Variants in DDR2 observed in about 807,000 individuals in gnomAD.
DDR2 encodes discoidin domain-containing receptor 2.
DDR2 carries 27 observed loss-of-function variants against 94.9 expected under a neutral mutation model. The ratio of observed to expected loss-of-function variants is 0.28; its 90% CI spans 0.21 to 0.39. DDR2 has a LOEUF of 0.39. Among genes scored for constraint, DDR2 ranks in the 10% least tolerant of loss-of-function variants. DDR2 has a pLI of 1.00. For missense variants in DDR2, 783 were observed against 1,076.0 expected (o/e 0.73, Z 3.81); for synonymous variants, 382 against 377.2 (o/e 1.01, Z -0.15).
chr1:162,750,527 C>T (rs188050149), intron 3 of DDR2, among the ~76,000 whole-genome samples: 29 of 152,302 alleles, frequency 1.9e-4, no homozygotes, highest in Non-Finnish European at 3.2e-4. Flanking sequence ...ATTCCATGCT[C>T]GTGGGTAGGA....
chr1:162,680,743 A>G (rs1162725736), intron 2 of DDR2, among the ~76,000 whole-genome samples: 1 of 152,248 alleles, frequency 6.6e-6, no homozygotes, highest in East Asian at 1.9e-4. Flanking sequence ...AGAAAATAAT[A>G]TAACCCAACC....
intron 1 of DDR2, among the ~76,000 whole-genome samples, chr1:162,636,748 T>C (rs1005395594): frequency 6.6e-6 from 1 of 152,146 alleles, no homozygotes; most frequent in African/African-American, 2.4e-5. Context: ...ACTGTACCTG[T>C]GAAGATGGTA....
At chr1:162,747,704 T>C (rs1387051471) in intron 3 of DDR2, among the ~76,000 whole-genome samples, 1 of 152,132 alleles carries the variant, frequency 6.6e-6, no homozygotes, top group Non-Finnish European at 1.5e-5. Flanking sequence ...ATTGTCAGAT[T>C]CACCAAGGTT....
intron 3 of DDR2, among the ~76,000 whole-genome samples, chr1:162,740,128 A>G (rs1424401086): frequency 1.3e-5 from 2 of 152,242 alleles, no homozygotes; most frequent in African/African-American, 4.8e-5. Flanking sequence ...AGAAATAAAA[A>G]TGAATAAGAT....
intron 2 of DDR2, among the ~76,000 whole-genome samples, chr1:162,678,949 G>A (rs1231962144): frequency 1.3e-5 from 2 of 152,028 alleles, no homozygotes; most frequent in Non-Finnish European, 2.9e-5. Context: ...ACACAGATAA[G>A]CATCATATTT....
intron 2 of DDR2, among the ~76,000 whole-genome samples, chr1:162,712,317 G>C (rs185805132): frequency 5.3e-4 from 80 of 151,208 alleles, no homozygotes; most frequent in Non-Finnish European, 7.5e-4. Context: ...GTGTCAGGCA[G>C]AATGTTCAGA....
chr1:162,724,462 C>A (rs77407951), intron 3 of DDR2, among the ~76,000 whole-genome samples: 2 of 152,258 alleles, frequency 1.3e-5, no homozygotes, highest in South Asian at 2.1e-4. Context: ...AGAAGCCCTG[C>A]GGGCCAACTT....
Position 162,744,671 on chromosome 1 carries a change from C to A in DDR2, c.83-8424C>A, listed in dbSNP as rs539265445. Among the ~76,000 whole-genome samples, 3 of 152,154 alleles carry A rather than the reference C, an allele frequency of 2.0e-5. No individual in the cohort carries two copies. In the East Asian group the frequency reaches 5.8e-4, roughly 29 times the overall value. The stretch of plus-strand genomic sequence containing the variant: ...CCTAATGCTGTCCCTCCCCTAGCCC[C>A]CCACCCAATTTCTTTCTTTTTTAAA... On this transcript the variant is annotated intron_variant, in intron 3 of 17. Transcript: ENST00000367921.
At chr1:162,658,018 T>G (rs1271331309) in intron 2 of DDR2, among the ~76,000 whole-genome samples, 1 of 152,170 alleles carries the variant, frequency 6.6e-6, no homozygotes, top group East Asian at 1.9e-4. Context: ...CTAAAATGGC[T>G]CTTCCAAAAT....
At position 162,732,788 on chromosome 1, in the gene DDR2, C is replaced by T. The variant is rs150432890; in HGVS notation, c.82+13643C>T. Among the ~76,000 whole-genome samples the T allele has an allele frequency of 3.9e-5, 6 of 152,344 alleles. No individual in the cohort carries two copies. In the East Asian group the frequency reaches 1.2e-3, roughly 29 times the overall value. On this transcript the variant is annotated intron_variant, in intron 3 of 17. Coordinates refer to ENST00000367921, the MANE Select transcript of DDR2 (RefSeq NM_006182.4). ...ATATAGGACACTCATTGACGGGGAG[C>T]CCGTGGTCTGGAGCTAGTAGTGAGA...
intron 2 of DDR2, among the ~76,000 whole-genome samples, chr1:162,686,626 A>G (rs1227209043): frequency 1.3e-5 from 2 of 152,238 alleles, no homozygotes; most frequent in African/African-American, 4.8e-5. Flanking sequence ...ATTGATGGAC[A>G]TTTGGGTTGA....
chr1:162,726,208 G>A (rs1225859315), intron 3 of DDR2, among the ~76,000 whole-genome samples: 1 of 152,162 alleles, frequency 6.6e-6, no homozygotes. Context: ...TTTGTATATT[G>A]TGCTGTGATA....
At chr1:162,758,504 T>C (rs1005769933) in intron 7 of DDR2, among the ~76,000 whole-genome samples, 4 of 152,208 alleles carry the variant, frequency 2.6e-5, no homozygotes, top group East Asian at 1.9e-4. Context: ...CATAAAACTT[T>C]CCTGGGATTT....
chr1:162,640,154 G>T (rs1348865867), intron 1 of DDR2, among the ~76,000 whole-genome samples: 2 of 151,608 alleles, frequency 1.3e-5, no homozygotes, highest in East Asian at 1.9e-4. Flanking sequence ...CGATTTTCCT[G>T]CCTCAGCCTC....
chr1:162,774,809 C>G (rs182025794), intron 14 of DDR2, among the ~76,000 whole-genome samples: 1 of 152,016 alleles, frequency 6.6e-6, no homozygotes, highest in African/African-American at 2.4e-5. Flanking sequence ...TGGTTTGAGA[C>G]GGAAGGGGGA....
At chr1:162,730,058 C>CTTTTAAA (rs1661953788) in intron 3 of DDR2, among the ~76,000 whole-genome samples, 2 of 64,190 alleles carry the variant, frequency 3.1e-5, no homozygotes, top group Non-Finnish European at 3.1e-5. Flanking sequence ...TTTTTTTTTG[C>CTTTTAAA]AAAAAAAAAA....
In DDR2 at chr1:162,784,351, T is replaced by G. The variant is rs1648062719; in HGVS notation, c.*4105T>G. 1 of 154,314 alleles carries G rather than the reference T, an allele frequency of 6.5e-6. No homozygotes were observed. Among genetic ancestry groups the G allele is most frequent in the Non-Finnish European group, 1.5e-5 (1 of 68,192 alleles). The allele number at this position is 154,314 out of a possible 1,614,324, so 9.6% of individuals were successfully genotyped here. On this transcript the variant is annotated 3_prime_UTR_variant, in exon 18 of 18. Transcript: ENST00000367921. ...CAATACATGGCTACTAAGTCTTTGA[T>G]CATAAGTCGAATTTATAGACCTGGA...
intron 3 of DDR2, chr1:162,741,503 T>G: frequency 3.9e-6 from 3 of 773,060 alleles, no homozygotes; most frequent in Non-Finnish European, 4.7e-6. Context: ...GCCAACTACA[T>G]AGGGTTATTG....
chr1:162,690,721 A>G (rs1659925817), intron 2 of DDR2, among the ~76,000 whole-genome samples: 1 of 152,220 alleles, frequency 6.6e-6, no homozygotes, highest in Non-Finnish European at 1.5e-5. Flanking sequence ...CATGACTAAA[A>G]ATAAATTAAA....
Sources: gnomAD v4.1 joint callset for allele counts (sites outside exome capture counted in the v4.1 genomes callset) on GRCh38, gnomAD v4.1.1 for gene constraint, MANE v1.5 for transcripts, NCBI Gene and HGNC (gene_info 2026-07-23, HGNC 2026-07-21) for gene names.